SPDL1: variants seen among roughly 807,000 people sequenced by gnomAD.
SPDL1 encodes protein Spindly.
In SPDL1, 85 loss-of-function variants were observed where a neutral mutation model predicts 79.5. The observed-to-expected ratio is 1.07, with a 90% CI of 0.90 to 1.28. SPDL1 has a LOEUF of 1.28. SPDL1 is among the 50% of genes most tolerant of loss of function. The pLI is 0.00. For synonymous variants in SPDL1, 269 were observed against 240.3 expected (o/e 1.12, Z -1.10); for missense variants, 703 against 697.8 (o/e 1.01, Z -0.08).
rs550811563 is a variant in SPDL1 at position 169,604,558 on chromosome 5, C to T, written c.*351C>T. ...TTGAGAATGCTTCAATCATATTTTC[C>T]TATGTACTTTTTTTTATAAACTTAG... On this transcript the variant is annotated 3_prime_UTR_variant, in exon 12 of 12. Coordinates refer to ENST00000265295, the MANE Select transcript of SPDL1 (RefSeq NM_017785.5). 6.4e-6 allele frequency: 1 copy of T among 155,940 alleles called. No individual in the cohort carries two copies. Among genetic ancestry groups the T allele is most frequent in the South Asian group, 2.1e-4 (1 of 4,860 alleles). 9.7% of individuals were successfully genotyped at this position (155,940 alleles called of 1,614,324 possible). A position where few individuals can be genotyped will look rare whatever the true frequency, so the allele number is the denominator to read the frequency against.
chr5:169,594,076 T>C, intron 4 of SPDL1, 69 bp from the exon 5 acceptor site: 1 of 1,353,016 alleles, frequency 7.4e-7, no homozygotes, highest in South Asian at 1.4e-5. Context: ...ACAACTGAGA[T>C]AAACTGAGCA....
chr5:169,599,175 A>G lies in SPDL1; in HGVS notation c.1324+16A>G. 7.3e-7 allele frequency: 1 copy of G among 1,375,986 alleles called. No individual in the cohort carries two copies. Among genetic ancestry groups the G allele is most frequent in the South Asian group, 1.6e-5 (1 of 63,410 alleles). 85.2% of individuals were successfully genotyped at this position (1,375,986 alleles called of 1,614,324 possible). ...GAACCTGAAGGTATATATGTCTCAT[A>G]TATTTTTGTCTTTTAAATTATGAGT... On this transcript the variant is annotated intron_variant, in intron 10 of 11. Transcript: ENST00000265295.
intron 3 of SPDL1, among the ~76,000 whole-genome samples, chr5:169,592,963 G>T (rs1755375974): frequency 6.6e-6 from 1 of 151,888 alleles, no homozygotes; most frequent in African/African-American, 2.4e-5. Context: ...CTAAGAACTT[G>T]ACCTACAAAA....
Position 169,588,449 on chromosome 5 carries a change from C to T in SPDL1, c.33C>T (p.Cys11=). 4 of 1,611,772 alleles carry T rather than the reference C, an allele frequency of 2.5e-6. No homozygotes were observed. The highest frequency in any genetic ancestry group is 2.2e-5 in the South Asian group (2 of 90,536). The change falls in exon 2 of 12, where the codon TGC becomes TGT. Residue 11 remains cysteine, a synonymous_variant. Coordinates refer to ENST00000265295, the MANE Select transcript of SPDL1 (RefSeq NM_017785.5). ...CAGATATAATCACAAATCTTCGATG[C>T]AGGCTCAAAGAGGCTGAAGAAGAGC... The part of the protein sequence containing the change: MEADIITNLR[C]RLKEAEEERL...
rs368083398 is a variant in SPDL1 at position 169,597,981 on chromosome 5, A to AATGT, written c.1033-492_1033-489dup. 3.8e-3 allele frequency among the ~76,000 whole-genome samples: 579 copies of AATGT among 152,132 alleles called. 2 individuals carry two copies. The highest frequency in any genetic ancestry group is 0.024 in the Middle Eastern group (7 of 294). ...TTTACCTTTTCTATCCCACTAGAGA[A>AATGT]ATGTATAGTTTCCATCAGTCTCAGA... is the stretch of plus-strand genomic sequence containing the variant. On this transcript the variant is annotated intron_variant, in intron 8 of 11. Transcript: ENST00000265295.
chr5:169,598,617 T>A, intron 9 of SPDL1, 38 bp downstream of exon 9: 1 of 1,487,520 alleles, frequency 6.7e-7, no homozygotes, highest in South Asian at 1.1e-5. Flanking sequence ...GATGAACATG[T>A]CACTTGCTTA....
chr5:169,596,627 C>T lies in SPDL1; in HGVS notation c.958C>T (p.Leu320Phe). The change falls in exon 8 of 12, where the codon CTT becomes TTT. Residue 320 changes from leucine to phenylalanine, a missense_variant. By Grantham distance (22) the Leu-to-Phe change is conservative. Coordinates refer to ENST00000265295, the MANE Select transcript of SPDL1 (RefSeq NM_017785.5). ...TGAATTTGAGCAGCAGGAACGGTTG[C>T]TTGCCATGTTGGAGCAGAAGAATGG... is the stretch of plus-strand genomic sequence containing the variant. ...QTEFEQQERL[L>F]AMLEQKNGEI... The T allele has an allele frequency of 6.2e-7, 1 of 1,608,226 alleles. No homozygotes were observed. Among genetic ancestry groups the T allele is most frequent in the African/African-American group, 1.3e-5 (1 of 74,570 alleles).
intron 1 of SPDL1, chr5:169,584,140 T>C (rs950546130): frequency 1.8e-4 from 27 of 152,330 alleles, no homozygotes; most frequent in African/African-American, 6.5e-4. Flanking sequence ...CTCAAAATTA[T>C]AACCGCCACT....
At chr5:169,595,830 A>G (rs1755555361) in intron 7 of SPDL1, 1 of 152,220 alleles carries the variant, frequency 6.6e-6, no homozygotes, top group South Asian at 2.1e-4. Flanking sequence ...AGGAACAAAA[A>G]GGATATCCTT....
Position 169,588,464 on chromosome 5 carries a change from T to C in SPDL1, c.48T>C (p.Ala16=). 1 of 1,613,778 alleles carries C rather than the reference T, an allele frequency of 6.2e-7. No homozygotes were observed. Among genetic ancestry groups the C allele is most frequent in the Non-Finnish European group, 8.5e-7 (1 of 1,179,870 alleles). The change falls in exon 2 of 12, where the codon GCT becomes GCC. Residue 16 remains alanine (A), a synonymous_variant. Coordinates refer to ENST00000265295, the MANE Select transcript of SPDL1 (RefSeq NM_017785.5). ...ATCTTCGATGCAGGCTCAAAGAGGC[T>C]GAAGAAGAGCGACTAAAAGCTGCAC... ...ITNLRCRLKE[A]EEERLKAAQY...
chr5:169,596,841 A>G (rs1755612710), intron 8 of SPDL1, 140 bp downstream of exon 8: 1 of 645,474 alleles, frequency 1.5e-6, no homozygotes, highest in African/African-American at 1.9e-5. Flanking sequence ...GTTTCTCCTT[A>G]TACTTAAACA....
At chr5:169,597,666 A>G (rs893203156) in intron 8 of SPDL1, among the ~76,000 whole-genome samples, 3 of 152,206 alleles carry the variant, frequency 2.0e-5, no homozygotes, top group African/African-American at 7.2e-5. Flanking sequence ...GAACATTGAT[A>G]TCTTCATTAA....
chr5:169,591,364 G>T, intron 3 of SPDL1, 140 bp downstream of exon 3: 1 of 754,858 alleles, frequency 1.3e-6, no homozygotes, highest in Non-Finnish European at 2.1e-6. Flanking sequence ...AATATTGGGG[G>T]TGGGAACACT....
In SPDL1 at chr5:169,591,235, C is replaced by A. The variant is rs368178256; in HGVS notation, c.336+11C>A. 1 of 1,606,492 alleles carries A rather than the reference C, an allele frequency of 6.2e-7. No homozygotes were observed. Among genetic ancestry groups the A allele is most frequent in the Admixed American group, 1.7e-5 (1 of 58,630 alleles). Reference sequence around the variant, plus strand: ...GAACTAAAAACTAAGGTTGGGATATCTGCGTATTTCAGCACAAAATATTCC... The same window carrying A: ...GAACTAAAAACTAAGGTTGGGATATATGCGTATTTCAGCACAAAATATTCC... On this transcript the variant is annotated intron_variant, in intron 3 of 11. Coordinates refer to ENST00000265295, the MANE Select transcript of SPDL1 (RefSeq NM_017785.5).
rs773551603 is a variant in SPDL1 at position 169,598,954 on chromosome 5, C to T, written c.1137-18C>T. ...TGCTGTCTTAATACTCGTTGGTTCT[C>T]CTTTTTTATTATCATAGCAAAGAAA... is the stretch of plus-strand genomic sequence containing the variant. On this transcript the variant is annotated intron_variant, in intron 9 of 11. Coordinates refer to ENST00000265295, the MANE Select transcript of SPDL1 (RefSeq NM_017785.5). The T allele has an allele frequency of 6.6e-7, 1 of 1,517,008 alleles. No individual in the cohort carries two copies. Among genetic ancestry groups the T allele is most frequent in the Non-Finnish European group, 8.8e-7 (1 of 1,130,954 alleles). 94.0% of individuals were successfully genotyped at this position (1,517,008 alleles called of 1,614,324 possible). A position where few individuals can be genotyped will look rare whatever the true frequency, so the allele number is the denominator to read the frequency against.
intron 2 of SPDL1, 28 bp from the exon 3 acceptor site, chr5:169,591,020 A>T: frequency 1.9e-6 from 3 of 1,577,226 alleles, no homozygotes; most frequent in Non-Finnish European, 2.6e-6. Context: ...TTTTTATGTA[A>T]TTGAATTGTA....
At chr5:169,586,070 C>G (rs1185711979) in intron 1 of SPDL1, 2 of 152,192 alleles carry the variant, frequency 1.3e-5, no homozygotes, top group Admixed American at 1.3e-4. Flanking sequence ...AAAAACTTGT[C>G]CCTACTTCCT....
chr5:169,596,218 AAT>A (rs1268192431), intron 7 of SPDL1: 1 of 172,816 alleles, frequency 5.8e-6, no homozygotes, highest in Non-Finnish European at 1.2e-5. Flanking sequence ...TCAGAACCTT[AAT>A]AAGAGCGAGT....
At position 169,593,396 on chromosome 5, in the gene SPDL1, G is replaced by A; in HGVS notation, c.379G>A (p.Glu127Lys). 6.2e-7 allele frequency: 1 copy of A among 1,612,018 alleles called. No individual in the cohort carries two copies. The highest frequency in any genetic ancestry group is 8.5e-7 in the Non-Finnish European group (1 of 1,179,420). ...GGAATTAGATGAAGCCAGGCTTAGT[G>A]AAAAGCAGCTGAAGCACCAAGTAGA... is the stretch of plus-strand genomic sequence containing the variant. ...KVELDEARLS[E>K]KQLKHQVDHQ... The change falls in exon 4 of 12, where the codon GAA becomes AAA. Residue 127 changes from glutamate (E) to lysine (K), a missense_variant. Transcript: ENST00000265295.
Sources: allele counts gnomAD v4.1 joint callset (sites outside exome capture counted in the v4.1 genomes callset), GRCh38; gene constraint gnomAD v4.1.1; transcripts MANE v1.5; gene names NCBI Gene and HGNC (gene_info 2026-07-23, HGNC 2026-07-21).